PLCL1: variants seen among roughly 807,000 people sequenced by gnomAD.
PLCL1 encodes inactive phospholipase C-like protein 1.
Under a neutral mutation model 84.4 loss-of-function variants are expected in PLCL1, and 41 were observed. That is an observed-to-expected ratio of 0.49 (90% CI 0.38 to 0.63). The LOEUF is 0.63. Among genes scored for constraint, PLCL1 ranks in the 30% least tolerant of loss-of-function variants. The pLI is 0.00. For missense variants in PLCL1, 1,206 were observed against 1,367.8 expected (o/e 0.88, Z 1.87); for synonymous variants, 490 against 488.3 (o/e 1.00, Z -0.05).
At chr2:197,927,987 G>C (rs1169213803) in intron 1 of PLCL1, among the ~76,000 whole-genome samples, 2 of 151,818 alleles carry the variant, frequency 1.3e-5, no homozygotes, top group Non-Finnish European at 2.9e-5. Flanking sequence ...AAACTCTTAA[G>C]GTTAAATTTA....
chr2:198,003,910 A>G (rs1409441368), intron 1 of PLCL1, among the ~76,000 whole-genome samples: 2 of 152,204 alleles, frequency 1.3e-5, no homozygotes, highest in Admixed American at 6.5e-5. Flanking sequence ...TCCTAATTAG[A>G]GAATCCATTA....
At chr2:197,917,094 T>TTG (rs1688613363) in intron 1 of PLCL1, among the ~76,000 whole-genome samples, 1 of 152,242 alleles carries the variant, frequency 6.6e-6, no homozygotes, top group Non-Finnish European at 1.5e-5. Context: ...AAAAGATAGT[T>TTG]TGACAGTTTC....
chr2:197,884,452 C>T (rs1453943221), intron 1 of PLCL1, among the ~76,000 whole-genome samples: 2 of 152,146 alleles, frequency 1.3e-5, no homozygotes, highest in Non-Finnish European at 2.9e-5. Context: ...CCTCACGTAG[C>T]AACAGAAGGA....
intron 5 of PLCL1, among the ~76,000 whole-genome samples, chr2:198,104,782 T>G (rs1185495925): frequency 1.3e-5 from 2 of 152,076 alleles, no homozygotes; most frequent in Non-Finnish European, 2.9e-5. Flanking sequence ...TAAGGATTAG[T>G]GATGTTGAAC....
At chr2:198,126,112 T>C (rs1422222371) in intron 5 of PLCL1, among the ~76,000 whole-genome samples, 1 of 152,134 alleles carries the variant, frequency 6.6e-6, no homozygotes, top group Non-Finnish European at 1.5e-5. Flanking sequence ...GTAGGACACT[T>C]TCCCTACAAT....
chr2:197,845,297 G>A (rs1156827493), intron 1 of PLCL1, among the ~76,000 whole-genome samples: 2 of 152,248 alleles, frequency 1.3e-5, no homozygotes, highest in Admixed American at 6.5e-5. Flanking sequence ...CACATGCTAA[G>A]TGTGTGTAAT....
At chr2:197,901,530 T>A (rs1688268695) in intron 1 of PLCL1, among the ~76,000 whole-genome samples, 1 of 152,036 alleles carries the variant, frequency 6.6e-6, no homozygotes, top group Admixed American at 6.5e-5. Context: ...AGAGATCGAA[T>A]ATTATGGGTC....
intron 1 of PLCL1, among the ~76,000 whole-genome samples, chr2:198,072,342 A>G (rs975039572): frequency 1.3e-5 from 2 of 151,516 alleles, no homozygotes; most frequent in Admixed American, 6.6e-5. Context: ...TTTTGCCACT[A>G]TCACTTTTAC....
chr2:197,825,332 G>C (rs1416646064), intron 1 of PLCL1, among the ~76,000 whole-genome samples: 1 of 152,154 alleles, frequency 6.6e-6, no homozygotes, highest in Non-Finnish European at 1.5e-5. Flanking sequence ...AGTGTTCCTG[G>C]AAGTTTTAAG....
intron 1 of PLCL1, among the ~76,000 whole-genome samples, chr2:197,844,241 G>A (rs1401570340): frequency 6.6e-6 from 1 of 152,038 alleles, no homozygotes; most frequent in South Asian, 2.1e-4. Context: ...ATAAAATGGT[G>A]TCAGCACCCC....
At chr2:197,947,363 C>T (rs1689300519) in intron 1 of PLCL1, among the ~76,000 whole-genome samples, 1 of 151,808 alleles carries the variant, frequency 6.6e-6, no homozygotes, top group Admixed American at 6.6e-5. Flanking sequence ...GGCCCTGTCC[C>T]CAGAGTTTCT....
At chr2:198,021,475 A>G (rs1207463129) in intron 1 of PLCL1, among the ~76,000 whole-genome samples, 1 of 152,212 alleles carries the variant, frequency 6.6e-6, no homozygotes, top group Non-Finnish European at 1.5e-5. Flanking sequence ...TTTTGTTTTG[A>G]AAAGATTAAC....
chr2:197,883,705 G>C (rs1361783841), intron 1 of PLCL1, among the ~76,000 whole-genome samples: 2 of 152,162 alleles, frequency 1.3e-5, no homozygotes. Flanking sequence ...GAATTGATAG[G>C]TGAATACAGT....
chr2:197,984,235 A>C (rs1051553627), intron 1 of PLCL1, among the ~76,000 whole-genome samples: 3 of 152,214 alleles, frequency 2.0e-5, no homozygotes, highest in African/African-American at 4.8e-5. Context: ...CTAAAGGCGC[A>C]TTACTGATTA....
intron 1 of PLCL1, among the ~76,000 whole-genome samples, chr2:198,052,995 C>G (rs1186150271): frequency 6.6e-6 from 1 of 152,162 alleles, no homozygotes; most frequent in African/African-American, 2.4e-5. Flanking sequence ...GGGCAACTGA[C>G]AAGAGAAGGC....
intron 1 of PLCL1, among the ~76,000 whole-genome samples, chr2:197,933,776 A>G (rs555213979): frequency 6.3e-4 from 96 of 152,244 alleles, no homozygotes; most frequent in African/African-American, 2.3e-3. Flanking sequence ...ATTCTATATT[A>G]AATGCTCATA....
intron 1 of PLCL1, among the ~76,000 whole-genome samples, chr2:197,933,629 C>G (rs1023967506): frequency 3.3e-5 from 5 of 152,018 alleles, no homozygotes; most frequent in Non-Finnish European, 7.4e-5. Context: ...ACTATTTGTT[C>G]TGGTTCATTA....
At chr2:198,099,098 G>C (rs996263842) in intron 3 of PLCL1, among the ~76,000 whole-genome samples, 1 of 152,156 alleles carries the variant, frequency 6.6e-6, no homozygotes, top group Non-Finnish European at 1.5e-5. Context: ...GCAACTAGCA[G>C]CTCAGGCTGA....
intron 1 of PLCL1, among the ~76,000 whole-genome samples, chr2:197,981,053 C>A (rs1396159763): frequency 2.6e-5 from 4 of 152,130 alleles, no homozygotes; most frequent in South Asian, 2.1e-4. Context: ...TCTAATAAAA[C>A]CTTCTTCTTT....
Sources: allele counts gnomAD v4.1 joint callset (sites outside exome capture counted in the v4.1 genomes callset), GRCh38; gene constraint gnomAD v4.1.1; transcripts MANE v1.5; gene names NCBI Gene and HGNC (gene_info 2026-07-23, HGNC 2026-07-21).